The following AGBL2 variants were observed in gnomAD, a reference collection of about 807,000 sequenced individuals.
The protein encoded by AGBL2 is cytosolic carboxypeptidase 2.
Under a neutral mutation model 103.0 loss-of-function variants are expected in AGBL2, and 87 were observed. That is an observed-to-expected ratio of 0.84 (90% CI 0.71 to 1.01). The LOEUF (loss-of-function observed/expected upper bound fraction) is 1.01, where lower values mean the gene tolerates loss of function less well. AGBL2 is among the 50% of genes least tolerant of loss of function. AGBL2 has a pLI of 0.00. For synonymous variants in AGBL2, 335 were observed against 356.7 expected (o/e 0.94, Z 0.69); for missense variants, 904 against 1,023.5 (o/e 0.88, Z 1.59).
At chr11:47,661,779 G>C (rs550388385) in intron 18 of AGBL2, among the ~76,000 whole-genome samples, 1 of 150,696 alleles carries the variant, frequency 6.6e-6, no homozygotes, top group East Asian at 2.0e-4. Context: ...TTTGGAGACA[G>C]AGTCTCACTC....
intron 11 of AGBL2, 39 bp downstream of exon 11, chr11:47,685,854 C>A (rs765221611): frequency 6.3e-7 from 1 of 1,589,514 alleles, no homozygotes; most frequent in Non-Finnish European, 8.6e-7. Context: ...GTTCCCATGT[C>A]CCTAACTCAA....
intron 3 of AGBL2, among the ~76,000 whole-genome samples, chr11:47,713,355 A>T (rs1445956250): frequency 1.4e-5 from 2 of 147,720 alleles, no homozygotes; most frequent in East Asian, 4.1e-4. Flanking sequence ...AAAAAAAAAA[A>T]AAAAAAGAAA....
At chr11:47,703,862 T>C (rs2097507212) in intron 7 of AGBL2, among the ~76,000 whole-genome samples, 1 of 149,108 alleles carries the variant, frequency 6.7e-6, no homozygotes, top group Non-Finnish European at 1.5e-5. Context: ...GAGGCGGAGG[T>C]TGCAGTGAGC....
chr11:47,682,121 T>TAATCATAACAGA, intron 11 of AGBL2, 26 bp from the exon 12 acceptor site: 1 of 1,601,818 alleles, frequency 6.2e-7, no homozygotes, highest in Admixed American at 1.7e-5. Context: ...AATTTTCTGT[T>TAATCATAACAGA]AATCATAAAT....
intron 13 of AGBL2, among the ~76,000 whole-genome samples, chr11:47,678,774 C>G (rs1370258114): frequency 6.6e-6 from 1 of 151,586 alleles, no homozygotes; most frequent in Admixed American, 6.6e-5. Flanking sequence ...GAAAAGACAC[C>G]TGGCTGGGCA....
rs1191102416 is a variant in AGBL2 at position 47,705,862 on chromosome 11, AC to A, written c.286+1del. On this transcript the variant is annotated splice_donor_variant, in intron 5 of 18. Transcript: ENST00000525123. LOFTEE classifies it high-confidence loss of function. Reference sequence around the variant, plus strand: ...CTTCTGGTCTGGAAGGACATGAAATACCTCTGTTGATGGCTTCTATCTGTCT... The same window carrying A: ...CTTCTGGTCTGGAAGGACATGAAATACTCTGTTGATGGCTTCTATCTGTCT... 1.2e-6 allele frequency: 2 copies of A among 1,613,686 alleles called. No individual in the cohort carries two copies. Among genetic ancestry groups the A allele is most frequent in the African/African-American group, 2.7e-5 (2 of 74,856 alleles).
intron 14 of AGBL2, among the ~76,000 whole-genome samples, chr11:47,672,190 A>G (rs1178015789): frequency 2.6e-5 from 4 of 152,108 alleles, no homozygotes; most frequent in Non-Finnish European, 5.9e-5. Context: ...GCCTCAAACA[A>G]TCCTCCCATC....
chr11:47,669,161 C>T (rs1009849121), intron 14 of AGBL2, among the ~76,000 whole-genome samples: 7 of 152,124 alleles, frequency 4.6e-5, no homozygotes, highest in African/African-American at 7.2e-5. Flanking sequence ...TTGACCTCCC[C>T]GGCTCAAGAG....
chr11:47,714,518 C>T (rs1209948042), intron 2 of AGBL2, 100 bp downstream of exon 2: 1 of 1,396,320 alleles, frequency 7.2e-7, no homozygotes, highest in Non-Finnish European at 1.0e-6. Flanking sequence ...AAGATGCCAC[C>T]AGAACATCCC....
intron 10 of AGBL2, among the ~76,000 whole-genome samples, chr11:47,689,302 ATTT>A (rs397741033): frequency 4.0e-5 from 5 of 126,196 alleles, no homozygotes; most frequent in Admixed American, 8.9e-5. Context: ...CCACTTCTCA[ATTT>A]TTTTTTTTTT....
intron 17 of AGBL2, among the ~76,000 whole-genome samples, chr11:47,665,534 G>C (rs985643556): frequency 2.6e-5 from 4 of 152,038 alleles, no homozygotes; most frequent in Admixed American, 2.6e-4. Flanking sequence ...ATGGCTCACT[G>C]CAGCCTCCAA....
chr11:47,686,143 A>C, intron 10 of AGBL2, 94 bp from the exon 11 acceptor site: 3 of 1,297,700 alleles, frequency 2.3e-6, no homozygotes, highest in Non-Finnish European at 3.2e-6. Context: ...TACAGCTGTT[A>C]ATACTTTCCC....
At position 47,690,276 on chromosome 11, in the gene AGBL2, G is replaced by A; in HGVS notation, c.1431C>T (p.Asp477=). 5.6e-6 allele frequency: 9 copies of A among 1,613,766 alleles called. No homozygotes were observed. The highest frequency in any genetic ancestry group is 7.6e-6 in the Non-Finnish European group (9 of 1,179,942). Residue 477 remains aspartate, a synonymous_variant, in exon 10 of 19, where the codon GAC becomes GAT. Transcript: ENST00000525123. ...CATCTGGGGAGTTGCTAAGGATGAA[G>A]TCCAAAAAGCCTTTCATAACCCAGG... ...NGSWVMKGFL[D]FILSNSPDAQ...
At chr11:47,666,700 T>G in intron 17 of AGBL2, 1 of 598,020 alleles carries the variant, frequency 1.7e-6, no homozygotes, top group South Asian at 2.1e-5. Context: ...GATGAATGGA[T>G]GGTAAGTAAG....
intron 3 of AGBL2, chr11:47,710,818 A>G: frequency 2.1e-6 from 1 of 482,486 alleles, no homozygotes; most frequent in Non-Finnish European, 4.1e-6. Context: ...TGGAACTCAG[A>G]AAATGATAGC....
intron 3 of AGBL2, among the ~76,000 whole-genome samples, chr11:47,711,322 A>T (rs191311084): frequency 5.9e-5 from 9 of 152,262 alleles, no homozygotes; most frequent in Admixed American, 5.2e-4. Flanking sequence ...ACACCCAGAT[A>T]GACTTTTCAT....
At chr11:47,677,443 AT>A in intron 13 of AGBL2, 42 bp from the exon 14 acceptor site, 1 of 1,249,916 alleles carries the variant, frequency 8.0e-7, no homozygotes, top group Non-Finnish European at 1.0e-6. Flanking sequence ...AATTCATTTT[AT>A]TTTATTTATT....
chr11:47,668,996 A>G, intron 14 of AGBL2, 89 bp from the exon 15 acceptor site: 1 of 837,396 alleles, frequency 1.2e-6, no homozygotes, highest in Non-Finnish European at 2.0e-6. Flanking sequence ...GTATGGGATT[A>G]GGATTAGGAT....
At chr11:47,713,168 C>T (rs1268176408) in intron 3 of AGBL2, among the ~76,000 whole-genome samples, 1 of 151,746 alleles carries the variant, frequency 6.6e-6, no homozygotes, top group Non-Finnish European at 1.5e-5. Flanking sequence ...GTTGAAACCC[C>T]GTCTCTACTA....
Sources: gnomAD v4.1 joint callset for allele counts (sites outside exome capture counted in the v4.1 genomes callset) on GRCh38, gnomAD v4.1.1 for gene constraint, MANE v1.5 for transcripts, NCBI Gene and HGNC (gene_info 2026-07-23, HGNC 2026-07-21) for gene names.